TIMP4: variants seen among roughly 807,000 people sequenced by gnomAD.
TIMP4 encodes the protein metalloproteinase inhibitor 4.
Under a neutral mutation model 27.3 loss-of-function variants are expected in TIMP4, and 28 were observed. The ratio of observed to expected loss-of-function variants is 1.03; its 90% CI spans 0.76 to 1.41. TIMP4 has a LOEUF of 1.41. TIMP4 is among the 40% of genes most tolerant of loss of function. The pLI is 0.00. For missense variants in TIMP4, 307 were observed against 285.5 expected (o/e 1.08, Z -0.54); for synonymous variants, 138 against 115.5 (o/e 1.20, Z -1.25).
intron 1 of TIMP4, 197 bp downstream of exon 1, chr3:12,158,504 TC>T: frequency 1.4e-6 from 1 of 702,906 alleles, no homozygotes. Flanking sequence ...AATCTTCATT[TC>T]CTTATGAATC....
Position 12,154,391 on chromosome 3 carries a change from T to C in TIMP4, c.413A>G (p.Glu138Gly), listed in dbSNP as rs935611722. 1.2e-6 allele frequency: 2 copies of C among 1,614,090 alleles called. No individual in the cohort carries two copies. The highest frequency in any genetic ancestry group is 2.7e-5 in the African/African-American group (2 of 74,930). The change falls in exon 4 of 5, where the codon GAG becomes GGG. Residue 138 changes from glutamate (E) to glycine (G), a missense_variant. Glu to Gly is a moderately conservative substitution (Grantham distance 98). Transcript: ENST00000287814. ...TTCCCTCTGCACCAAGGACAGGTCC[T>C]CCCAGGGCTCGATGTAGTTGCACAG... ...IHLCNYIEPW[E>G]DLSLVQRESL... is the part of the protein sequence containing the mutation.
intron 3 of TIMP4, among the ~76,000 whole-genome samples, chr3:12,155,104 C>T (rs1166220757): frequency 3.1e-5 from 2 of 63,946 alleles, no homozygotes; most frequent in African/African-American, 9.2e-5. Context: ...CCTTTCAGTG[C>T]CACCTCAAAG....
Position 12,154,315 on chromosome 3 carries a change from A to G in TIMP4, c.477+12T>C. 9.3e-6 allele frequency: 15 copies of G among 1,614,210 alleles called. No homozygotes were observed. Among genetic ancestry groups the G allele is most frequent in the Non-Finnish European group, 1.2e-5 (14 of 1,180,018 alleles). ...CCATCCCTAAAGACTTTGGAAATGG[A>G]CATTCCCTTACTTGGCAGCCACAGT... On this transcript the variant is annotated intron_variant, in intron 4 of 4. Transcript: ENST00000287814.
At chr3:12,158,101 A>G (rs1448635667) in intron 1 of TIMP4, among the ~76,000 whole-genome samples, 1 of 152,194 alleles carries the variant, frequency 6.6e-6, no homozygotes, top group Non-Finnish European at 1.5e-5. Context: ...AAAGAACAAC[A>G]GCACAGCATA....
chr3:12,158,601 T>G, intron 1 of TIMP4, 101 bp downstream of exon 1: 6 of 1,515,662 alleles, frequency 4.0e-6, no homozygotes, highest in Non-Finnish European at 4.4e-6. Flanking sequence ...GGTAAGAATT[T>G]GAGCTCCTCC....
Position 12,153,202 on chromosome 3 carries a change from A to G in TIMP4, c.*313T>C. 4 of 446,056 alleles carry G rather than the reference A, an allele frequency of 9.0e-6. No homozygotes were observed. The highest frequency in any genetic ancestry group is 1.7e-5 in the Non-Finnish European group (4 of 239,614). 27.6% of individuals were successfully genotyped at this position (446,056 alleles called of 1,614,324 possible). On this transcript the variant is annotated 3_prime_UTR_variant, in exon 5 of 5. Coordinates refer to ENST00000287814, the MANE Select transcript of TIMP4 (RefSeq NM_003256.4). ...CTCCCCTACCAGATCGATTAAGACA[A>G]AGGAAAACACATATTCCTGGGGAGG...
In TIMP4 at chr3:12,158,688, G is replaced by T; in HGVS notation, c.139+14C>A. The stretch of plus-strand genomic sequence containing the variant: ...ACCACCCCCTGCTGTGGACCTCGCG[G>T]ACCTCGGACTCACCAAGTGCCGAGT... On this transcript the variant is annotated intron_variant, in intron 1 of 4. Coordinates refer to ENST00000287814, the MANE Select transcript of TIMP4 (RefSeq NM_003256.4). 1 of 1,609,544 alleles carries T rather than the reference G, an allele frequency of 6.2e-7. No individual in the cohort carries two copies. The highest frequency in any genetic ancestry group is 8.5e-7 in the Non-Finnish European group (1 of 1,179,478).
Position 12,154,392 on chromosome 3 carries a change from C to T in TIMP4, c.412G>A (p.Glu138Lys). ...IHLCNYIEPWEDLSLVQRESL... is the reference protein window; with the variant it reads ...IHLCNYIEPWKDLSLVQRESL... ...TCCCTCTGCACCAAGGACAGGTCCT[C>T]CCAGGGCTCGATGTAGTTGCACAGA... Residue 138 changes from glutamate to lysine, a missense_variant, in exon 4 of 5, where the codon GAG (glutamate) becomes AAG (lysine). Glu to Lys is a moderately conservative substitution (Grantham distance 56). Coordinates refer to ENST00000287814, the MANE Select transcript of TIMP4 (RefSeq NM_003256.4). 6.2e-7 allele frequency: 1 copy of T among 1,614,192 alleles called. No individual in the cohort carries two copies. Among genetic ancestry groups the T allele is most frequent in the Non-Finnish European group, 8.5e-7 (1 of 1,180,040 alleles).
chr3:12,158,509 A>G, intron 1 of TIMP4, 193 bp downstream of exon 1: 1 of 719,638 alleles, frequency 1.4e-6, no homozygotes, highest in Non-Finnish European at 2.2e-6. Flanking sequence ...TCATTTCCTT[A>G]TGAATCAGTC....
intron 3 of TIMP4, among the ~76,000 whole-genome samples, chr3:12,154,772 A>C (rs1697408164): frequency 6.6e-6 from 1 of 152,200 alleles, no homozygotes; most frequent in African/African-American, 2.4e-5. Flanking sequence ...TTACTAGCTG[A>C]ATGATCTTAA....
At chr3:12,155,920 C>T (rs369793092) in intron 3 of TIMP4, among the ~76,000 whole-genome samples, 13 of 152,298 alleles carry the variant, frequency 8.5e-5, no homozygotes, top group African/African-American at 3.1e-4. Flanking sequence ...CTGCCTCTTC[C>T]ATCCAGGAGC....
intron 1 of TIMP4, among the ~76,000 whole-genome samples, chr3:12,157,838 GT>G (rs147112650): frequency 0.016 from 2,488 of 152,312 alleles, 58 homozygotes; most frequent in African/African-American, 0.057. Flanking sequence ...TCGGTGTGAA[GT>G]TTATCTATTG....
Position 12,153,626 on chromosome 3 carries a change from A to C in TIMP4, c.564T>G (p.Tyr188Ter). ...AGACATAATGCTGAGCCTGGTAACC[A>C]TAGAGCTTTCGTTCCAACAGCCAGT... ...WTDWLLERKL[Y>*]GYQAQHYVCM... The change falls in exon 5 of 5, where the codon TAT becomes TAG. Residue 188 changes from tyrosine (Y) to a stop codon, truncating the protein, a stop_gained. Coordinates refer to ENST00000287814, the MANE Select transcript of TIMP4 (RefSeq NM_003256.4). LOFTEE classifies it high-confidence loss of function. 1.2e-6 allele frequency: 2 copies of C among 1,614,196 alleles called. No individual in the cohort carries two copies. Among genetic ancestry groups the C allele is most frequent in the Non-Finnish European group, 8.5e-7 (1 of 1,180,022 alleles).
At chr3:12,154,617 T>C (rs1393494077) in intron 3 of TIMP4, among the ~76,000 whole-genome samples, 166 bp from the exon 4 acceptor site, 1 of 152,170 alleles carries the variant, frequency 6.6e-6, no homozygotes, top group Non-Finnish European at 1.5e-5. Context: ...CTATAATCTT[T>C]CTAGCAAAAA....
intron 1 of TIMP4, among the ~76,000 whole-genome samples, chr3:12,158,474 G>A (rs1005747349): frequency 1.3e-5 from 2 of 152,186 alleles, no homozygotes; most frequent in Non-Finnish European, 2.9e-5. Flanking sequence ...GAGGGAGGTC[G>A]CTATGGAAGT....
intron 3 of TIMP4, 126 bp from the exon 4 acceptor site, chr3:12,154,577 G>C: frequency 1.0e-6 from 1 of 962,028 alleles, no homozygotes; most frequent in Non-Finnish European, 1.6e-6. Flanking sequence ...GTGGCATGGG[G>C]CTCAGTGAAG....
chr3:12,154,813 G>A (rs992680798), intron 3 of TIMP4, among the ~76,000 whole-genome samples: 11 of 152,086 alleles, frequency 7.2e-5, no homozygotes, highest in African/African-American at 2.7e-4. Context: ...GCTGGAAGAT[G>A]AAAATTATAA....
At chr3:12,158,649 A>G in intron 1 of TIMP4, 53 bp downstream of exon 1, 2 of 1,602,048 alleles carry the variant, frequency 1.2e-6, no homozygotes, top group African/African-American at 2.7e-5. Flanking sequence ...CTGGCCAGAT[A>G]CTAATCCCCC....
rs745773299 is a variant in TIMP4 at position 12,156,862 on chromosome 3, C to A, written c.310G>T (p.Val104Leu). 6.2e-7 allele frequency: 1 copy of A among 1,614,208 alleles called. No homozygotes were observed. Among genetic ancestry groups the A allele is most frequent in the Non-Finnish European group, 8.5e-7 (1 of 1,180,032 alleles). ...YTPFDSSLCG[V>L]KLEANSQKQY... ...TTCTGGCTGTTGGCTTCTAGTTTCA[C>A]ACCACAGAGGGAAGAGTCAAAAGGC... Residue 104 changes from valine to leucine, a missense_variant, in exon 3 of 5, where the codon GTG (valine) becomes TTG (leucine). Physicochemically the swap from Val to Leu is conservative, Grantham distance 32. Coordinates refer to ENST00000287814, the MANE Select transcript of TIMP4 (RefSeq NM_003256.4).
Sources: gnomAD v4.1 joint callset for allele counts (sites outside exome capture counted in the v4.1 genomes callset) on GRCh38, gnomAD v4.1.1 for gene constraint, MANE v1.5 for transcripts, NCBI Gene and HGNC (gene_info 2026-07-23, HGNC 2026-07-21) for gene names.